BACH2: variants seen among roughly 807,000 people sequenced by gnomAD.
The protein encoded by BACH2 is transcription regulator protein BACH2.
Under a neutral mutation model 61.8 loss-of-function variants are expected in BACH2, and 5 were observed. The observed-to-expected ratio is 0.08, with a 90% CI of 0.04 to 0.17. BACH2 has a LOEUF of 0.17. Ranked by LOEUF, BACH2 falls within the 10% of genes least tolerant of loss-of-function variation. The probability of loss-of-function intolerance (pLI) is 1.00; values close to 1 mark genes in which losing one functional copy is unlikely to be tolerated. For missense variants in BACH2, 824 were observed against 1,091.1 expected, an observed-to-expected ratio of 0.76 and a Z score of 3.45; for synonymous variants, 446 against 440.1, an observed-to-expected ratio of 1.01 and a Z score of -0.17.
Position 90,169,044 on chromosome 6 carries a change from T to C in BACH2, c.-162+37525A>G, listed in dbSNP as rs78408274. Among the ~76,000 whole-genome samples the C allele has an allele frequency of 7.2e-3, 1,090 of 152,324 alleles. 16 individuals are homozygous for C. The highest frequency in any genetic ancestry group is 0.025 in the African/African-American group (1,025 of 41,560). ...GTTTCCCTTAATGATGGAAAGTATC[T>C]GTGCCAACCCTAGAGCTGCACCCAG... On this transcript the variant is annotated intron_variant, in intron 4 of 8. Coordinates refer to ENST00000257749, the MANE Select transcript of BACH2 (RefSeq NM_021813.4).
chr6:90,070,132 A>T (rs1781155679), intron 5 of BACH2, among the ~76,000 whole-genome samples: 1 of 152,192 alleles, frequency 6.6e-6, no homozygotes, highest in Admixed American at 6.5e-5. Flanking sequence ...ACTGGTGACA[A>T]AACTGAGTTT....
chr6:90,210,708 C>T (rs1769316509), intron 3 of BACH2, among the ~76,000 whole-genome samples: 1 of 152,062 alleles, frequency 6.6e-6, no homozygotes, highest in Non-Finnish European at 1.5e-5. Context: ...TAGTACTGAA[C>T]AAAAGGAAAA....
chr6:90,004,335 G>A (rs9444725), intron 6 of BACH2, among the ~76,000 whole-genome samples: 41,098 of 151,978 alleles, frequency 0.27, 6,288 homozygotes, highest in African/African-American at 0.43. Context: ...GAGCACAAGC[G>A]AGCACAAACC....
chr6:90,134,257 T>C (rs980112620), intron 4 of BACH2, among the ~76,000 whole-genome samples: 5 of 152,368 alleles, frequency 3.3e-5, no homozygotes, highest in East Asian at 1.9e-4. Flanking sequence ...TGGTATCTCA[T>C]TGTGGTTTTG....
chr6:90,026,807 T>C (rs982152894), intron 5 of BACH2, among the ~76,000 whole-genome samples: 2 of 152,198 alleles, frequency 1.3e-5, no homozygotes, highest in African/African-American at 4.8e-5. Context: ...GGAAACTTGC[T>C]CCTTTCATGC....
chr6:90,036,031 G>A (rs937256697), intron 5 of BACH2, among the ~76,000 whole-genome samples: 1 of 151,674 alleles, frequency 6.6e-6, no homozygotes, highest in Non-Finnish European at 1.5e-5. Context: ...ATTGGGGGTG[G>A]GTAGAGGAAG....
At chr6:90,230,997 G>A (rs145377985) in intron 3 of BACH2, among the ~76,000 whole-genome samples, 91 of 152,170 alleles carry the variant, frequency 6.0e-4, no homozygotes, top group African/African-American at 2.0e-3. Context: ...TGAGGAATGT[G>A]GTACCCTGTT....
intron 3 of BACH2, among the ~76,000 whole-genome samples, chr6:90,209,100 G>A (rs796138831): frequency 1.6e-4 from 24 of 151,998 alleles, no homozygotes; most frequent in African/African-American, 5.3e-4. Context: ...AATACCTTAC[G>A]TAAATGATGA....
intron 3 of BACH2, among the ~76,000 whole-genome samples, chr6:90,209,528 G>T (rs1249568749): frequency 1.3e-5 from 2 of 152,166 alleles, no homozygotes; most frequent in African/African-American, 2.4e-5. Context: ...AAAAACTACA[G>T]CCTAGCACTT....
chr6:90,286,943 C>T (rs1298477718), intron 1 of BACH2, among the ~76,000 whole-genome samples: 1 of 152,100 alleles, frequency 6.6e-6, no homozygotes, highest in Non-Finnish European at 1.5e-5. Flanking sequence ...TATAACTAAA[C>T]TGCAAAAACA....
At chr6:89,958,250 G>A (rs1774533062) in intron 6 of BACH2, among the ~76,000 whole-genome samples, 1 of 152,102 alleles carries the variant, frequency 6.6e-6, no homozygotes, top group Non-Finnish European at 1.5e-5. Context: ...CAAAGTGCTG[G>A]GATTACAGGC....
intron 2 of BACH2, among the ~76,000 whole-genome samples, chr6:90,270,597 CAT>C (rs1269920805): frequency 6.6e-6 from 1 of 152,114 alleles, no homozygotes; most frequent in East Asian, 1.9e-4. Context: ...CAAATGGAAA[CAT>C]ATTTCATGCT....
At chr6:90,123,234 C>T (rs963178038) in intron 4 of BACH2, among the ~76,000 whole-genome samples, 14 of 152,074 alleles carry the variant, frequency 9.2e-5, no homozygotes, top group African/African-American at 2.9e-4. Flanking sequence ...GAAGTGGAGG[C>T]AGAGATTGGA....
chr6:89,979,141 G>GA (rs1162131970), intron 6 of BACH2, among the ~76,000 whole-genome samples: 5 of 152,060 alleles, frequency 3.3e-5, no homozygotes, highest in African/African-American at 1.2e-4. Flanking sequence ...AAGTGTGGAT[G>GA]AAAAAAACGC....
chr6:90,145,289 A>C (rs1198135448), intron 4 of BACH2, among the ~76,000 whole-genome samples: 1 of 152,234 alleles, frequency 6.6e-6, no homozygotes, highest in Non-Finnish European at 1.5e-5. Flanking sequence ...AGAAAGACAG[A>C]AAGTATGCAA....
chr6:90,010,452 C>A (rs916176423), intron 5 of BACH2, among the ~76,000 whole-genome samples: 2 of 152,180 alleles, frequency 1.3e-5, no homozygotes, highest in Non-Finnish European at 2.9e-5. Context: ...TATTACTTAG[C>A]ATCCTATTGT....
chr6:90,266,403 A>G (rs999401797), intron 2 of BACH2, among the ~76,000 whole-genome samples: 1 of 152,168 alleles, frequency 6.6e-6, no homozygotes. Context: ...GGTTCTTTTC[A>G]GCTGTCTTTC....
intron 3 of BACH2, among the ~76,000 whole-genome samples, chr6:90,228,359 C>A (rs776560726): frequency 6.6e-6 from 1 of 152,180 alleles, no homozygotes; most frequent in Non-Finnish European, 1.5e-5. Context: ...GGAAAAGAAC[C>A]ATAGGTGGAT....
intron 3 of BACH2, among the ~76,000 whole-genome samples, chr6:90,246,690 A>G (rs62408225): frequency 0.26 from 38,904 of 152,104 alleles, 5,704 homozygotes; most frequent in Non-Finnish European, 0.34. Flanking sequence ...AATATAAATG[A>G]ATTTATTTTA....
Sources: gnomAD v4.1 joint callset for allele counts (sites outside exome capture counted in the v4.1 genomes callset) on GRCh38, gnomAD v4.1.1 for gene constraint, MANE v1.5 for transcripts, NCBI Gene and HGNC (gene_info 2026-07-23, HGNC 2026-07-21) for gene names.